KCNK2: variants seen among roughly 807,000 people sequenced by gnomAD.
KCNK2 encodes the protein potassium channel subfamily K member 2.
A neutral mutation model predicts 40.5 loss-of-function variants in KCNK2; 21 were observed. The ratio of observed to expected loss-of-function variants is 0.52; its 90% confidence interval spans 0.37 to 0.75. The LOEUF is 0.75. Ranked by LOEUF, KCNK2 falls within the 30% of genes least tolerant of loss-of-function variation. The pLI, the probability that KCNK2 is intolerant of heterozygous loss-of-function variation, is 0.00. For synonymous variants in KCNK2, 191 were observed against 202.2 expected (o/e 0.94, Z 0.47); for missense variants, 399 against 531.6 (o/e 0.75, Z 2.45).
intron 2 of KCNK2, among the ~76,000 whole-genome samples, chr1:215,089,955 T>C (rs1405467194): frequency 1.3e-5 from 2 of 151,740 alleles, no homozygotes; most frequent in Admixed American, 6.6e-5. Context: ...GCCTCCTGAG[T>C]AGCTGGGATT....
chr1:215,140,515 C>A (rs1486035998), intron 3 of KCNK2, among the ~76,000 whole-genome samples: 1 of 152,156 alleles, frequency 6.6e-6, no homozygotes, highest in African/African-American at 2.4e-5. Flanking sequence ...AGGCTACAGA[C>A]AGGTGCAGCA....
intron 1 of KCNK2, among the ~76,000 whole-genome samples, chr1:215,046,992 T>C (rs1289719632): frequency 2.0e-5 from 3 of 152,116 alleles, no homozygotes; most frequent in Non-Finnish European, 4.4e-5. Context: ...CTATCTAAGA[T>C]GATCAAGTCA....
At chr1:215,222,202 C>A (rs1002306065) in intron 6 of KCNK2, among the ~76,000 whole-genome samples, 2 of 152,176 alleles carry the variant, frequency 1.3e-5, no homozygotes, top group African/African-American at 2.4e-5. Context: ...TTGGGGATTA[C>A]AATTCAACAT....
intron 2 of KCNK2, among the ~76,000 whole-genome samples, chr1:215,093,446 T>C (rs1372747198): frequency 8.0e-6 from 1 of 125,670 alleles, no homozygotes; most frequent in African/African-American, 3.0e-5. Flanking sequence ...AATATACATA[T>C]AATATATATA....
intron 2 of KCNK2, among the ~76,000 whole-genome samples, chr1:215,091,998 G>A (rs537752512): frequency 2.6e-4 from 40 of 152,198 alleles, no homozygotes; most frequent in African/African-American, 9.6e-4. Context: ...CGGCTTTTTG[G>A]TGCAGATAAG....
intron 6 of KCNK2, among the ~76,000 whole-genome samples, chr1:215,208,013 A>G (rs1252776027): frequency 6.6e-6 from 1 of 152,194 alleles, no homozygotes; most frequent in Non-Finnish European, 1.5e-5. Flanking sequence ...CAGCAATCCC[A>G]TTACTGGGTA....
intron 5 of KCNK2, among the ~76,000 whole-genome samples, chr1:215,181,161 GC>G (rs1664203550): frequency 6.6e-6 from 1 of 152,050 alleles, no homozygotes; most frequent in Non-Finnish European, 1.5e-5. Flanking sequence ...TGTTGATAGA[GC>G]TTTCAGTTTT....
intron 6 of KCNK2, among the ~76,000 whole-genome samples, chr1:215,233,972 G>A (rs967809970): frequency 6.6e-6 from 1 of 152,090 alleles, no homozygotes; most frequent in Non-Finnish European, 1.5e-5. Flanking sequence ...ATTCTCAAAA[G>A]ATAACTACAT....
chr1:215,191,789 T>C (rs1323544273), intron 5 of KCNK2, among the ~76,000 whole-genome samples: 2 of 152,076 alleles, frequency 1.3e-5, no homozygotes, highest in Non-Finnish European at 2.9e-5. Flanking sequence ...ATTTTAGTGG[T>C]AGTAAAGAAA....
chr1:215,105,285 G>A (rs1660387881), intron 2 of KCNK2, among the ~76,000 whole-genome samples: 1 of 152,046 alleles, frequency 6.6e-6, no homozygotes, highest in South Asian at 2.1e-4. Flanking sequence ...CTGCTTCCAT[G>A]AGTTTGGCCA....
chr1:215,223,267 A>G (rs972494550), intron 6 of KCNK2, among the ~76,000 whole-genome samples: 7 of 150,784 alleles, frequency 4.6e-5, no homozygotes, highest in African/African-American at 1.5e-4. Context: ...AAAAAAGTCA[A>G]AACTCTTACA....
chr1:215,198,929 A>C (rs1664973374), intron 6 of KCNK2, among the ~76,000 whole-genome samples: 1 of 152,202 alleles, frequency 6.6e-6, no homozygotes, highest in Admixed American at 6.5e-5. Flanking sequence ...ATTTTTTCAA[A>C]AACAAATCTG....
intron 6 of KCNK2, among the ~76,000 whole-genome samples, chr1:215,196,673 T>G (rs1382567319): frequency 6.6e-6 from 1 of 152,030 alleles, no homozygotes; most frequent in Non-Finnish European, 1.5e-5. Flanking sequence ...TTGTATGTGG[T>G]GTGCGTGTGT....
intron 1 of KCNK2, among the ~76,000 whole-genome samples, chr1:215,076,132 A>G (rs1245629107): frequency 6.6e-6 from 1 of 152,180 alleles, no homozygotes; most frequent in African/African-American, 2.4e-5. Context: ...TCATTAACAC[A>G]TTCTAATTTT....
At chr1:215,129,665 A>G (rs997920979) in intron 3 of KCNK2, among the ~76,000 whole-genome samples, 6 of 152,180 alleles carry the variant, frequency 3.9e-5, no homozygotes, top group Admixed American at 2.6e-4. Context: ...TGTTCAAAGA[A>G]TACAGATGAG....
intron 1 of KCNK2, among the ~76,000 whole-genome samples, chr1:215,010,900 G>A (rs12565033): frequency 0.012 from 1,600 of 137,750 alleles, 16 homozygotes; most frequent in South Asian, 0.064. Context: ...GTGTGTGTAT[G>A]TGTGTGTATA....
In KCNK2 at chr1:215,230,092, TACACAC is replaced by T. The variant is rs59050433; in HGVS notation, c.964-4703_964-4698del. ...AGATATATATATCTGTGTGTGTGTA[TACACAC>T]ACACACACACACACACACACACACA... On this transcript the variant is annotated intron_variant, in intron 6 of 6. Coordinates refer to ENST00000444842, the MANE Select transcript of KCNK2 (RefSeq NM_001017425.3). 9.8e-3 allele frequency among the ~76,000 whole-genome samples: 1,387 copies of T among 141,234 alleles called. 35 individuals are homozygous for T. Among genetic ancestry groups the T allele is most frequent in the African/African-American group, 0.028 (1,067 of 37,604 alleles). 92.7% of individuals were successfully genotyped at this position (141,234 alleles called of 152,430 possible).
intron 6 of KCNK2, among the ~76,000 whole-genome samples, chr1:215,222,236 C>T (rs972259939): frequency 6.1e-5 from 9 of 147,802 alleles, no homozygotes; most frequent in Admixed American, 2.0e-4. Context: ...GGACAACTAT[C>T]CAAACTATAT....
In KCNK2 at chr1:215,051,899, A is replaced by G. The variant is rs551440642; in HGVS notation, c.35-34469A>G. The stretch of plus-strand genomic sequence containing the variant: ...GATTGTTTTGAATAGATTTGGTAAT[A>G]TAAAAACAAGATATTATTTTAAGTA... On this transcript the variant is annotated intron_variant, in intron 1 of 6. Coordinates refer to the KCNK2 transcript ENST00000391895. Among the ~76,000 whole-genome samples, 6 of 152,328 alleles carry G rather than the reference A, an allele frequency of 3.9e-5. No individual in the cohort carries two copies. In the East Asian group the frequency reaches 1.2e-3, roughly 29 times the overall value.
Sources: allele counts gnomAD v4.1 joint callset (sites outside exome capture counted in the v4.1 genomes callset), GRCh38; gene constraint gnomAD v4.1.1; transcripts MANE v1.5; gene names NCBI Gene and HGNC (gene_info 2026-07-23, HGNC 2026-07-21).